SEC63: variants seen among roughly 807,000 people sequenced by gnomAD.
The protein encoded by SEC63 is translocation protein SEC63 homolog.
SEC63 carries 56 observed loss-of-function variants against 116.2 expected under a neutral mutation model. The ratio of observed to expected loss-of-function variants is 0.48; its 90% CI spans 0.39 to 0.60. The LOEUF is 0.60. SEC63 is among the 20% of genes least tolerant of loss of function. The pLI, the probability that SEC63 is intolerant of heterozygous loss-of-function variation, is 0.00. For missense variants in SEC63, 668 were observed against 900.0 expected, an observed-to-expected ratio of 0.74 and a Z score of 3.30; for synonymous variants, 273 against 294.6, an observed-to-expected ratio of 0.93 and a Z score of 0.75.
chr6:107,871,849 T>C lies in SEC63; in HGVS notation c.2140-2A>G. 6.2e-7 allele frequency: 1 copy of C among 1,613,338 alleles called. No individual in the cohort carries two copies. The highest frequency in any genetic ancestry group is 8.5e-7 in the Non-Finnish European group (1 of 1,179,640). The stretch of plus-strand genomic sequence containing the variant: ...AGGCTTAGCCTCATGAACTTCCAAC[T>C]AGAAAGAAGAATTAAATGTAGACAT... On this transcript the variant is annotated splice_acceptor_variant, in intron 20 of 20. Coordinates refer to ENST00000369002, the MANE Select transcript of SEC63 (RefSeq NM_007214.5). LOFTEE classifies it high-confidence loss of function.
chr6:107,916,939 A>G (rs553842501), intron 4 of SEC63, among the ~76,000 whole-genome samples: 14 of 152,358 alleles, frequency 9.2e-5, no homozygotes, highest in African/African-American at 3.4e-4. Flanking sequence ...TGTTGGGAGC[A>G]AGCCCCCACA....
intron 1 of SEC63, among the ~76,000 whole-genome samples, chr6:107,931,551 C>T (rs543421303): frequency 2.7e-5 from 4 of 150,646 alleles, no homozygotes; most frequent in Admixed American, 2.6e-4. Flanking sequence ...AGATAGAGAC[C>T]ATCCTAGCTA....
intron 4 of SEC63, among the ~76,000 whole-genome samples, chr6:107,914,970 C>G (rs1787365623): frequency 1.3e-5 from 2 of 152,158 alleles, no homozygotes; most frequent in East Asian, 3.8e-4. Context: ...CTGACTTCTA[C>G]AACTGCTGTG....
At chr6:107,938,566 CTTTTTTT>C (rs542430538) in intron 1 of SEC63, among the ~76,000 whole-genome samples, 4,842 of 138,280 alleles carry the variant, frequency 0.035, 109 homozygotes, top group Middle Eastern at 0.081. Context: ...CTTCTTTTTT[CTTTTTTT>C]TTTTTTTTAG....
chr6:107,949,561 T>C (rs908673457), intron 1 of SEC63, among the ~76,000 whole-genome samples: 1 of 152,130 alleles, frequency 6.6e-6, no homozygotes, highest in Non-Finnish European at 1.5e-5. Flanking sequence ...AAAAAAATAG[T>C]AATGCAGGAA....
intron 1 of SEC63, among the ~76,000 whole-genome samples, chr6:107,953,300 A>G (rs776161509): frequency 6.6e-6 from 1 of 152,238 alleles, no homozygotes; most frequent in Non-Finnish European, 1.5e-5. Flanking sequence ...TGTTTCCCCA[A>G]AACTGTACTA....
Position 107,896,459 on chromosome 6 carries a change from G to T in SEC63, c.1440+1190C>A, listed in dbSNP as rs139897627. ...CCAGCCTGGGTGACAGAGCTAGCTA[G>T]ACTCCATCTCAAAAAAAAGATGAAG... On this transcript the variant is annotated intron_variant, in intron 14 of 20. Transcript: ENST00000369002. Among the ~76,000 whole-genome samples the T allele has an allele frequency of 7.3e-3, 1,114 of 152,144 alleles. 5 individuals carry two copies. Among genetic ancestry groups the T allele is most frequent in the Non-Finnish European group, 0.013 (916 of 67,982 alleles).
intron 11 of SEC63, among the ~76,000 whole-genome samples, chr6:107,903,573 T>C (rs181005383): frequency 1.3e-5 from 2 of 152,232 alleles, no homozygotes; most frequent in Non-Finnish European, 2.9e-5. Context: ...CGTGCTGTGG[T>C]ATGCACCTGT....
chr6:107,905,112 G>T (rs1008456852), intron 10 of SEC63, among the ~76,000 whole-genome samples: 1 of 152,062 alleles, frequency 6.6e-6, no homozygotes, highest in South Asian at 2.1e-4. Context: ...GAAGAAGAGG[G>T]CAACTTACAG....
At chr6:107,895,418 T>A (rs376231226) in intron 14 of SEC63, among the ~76,000 whole-genome samples, 13 of 152,186 alleles carry the variant, frequency 8.5e-5, no homozygotes, top group Admixed American at 4.6e-4. Flanking sequence ...CTACAAAACA[T>A]GATTTTCAGG....
At chr6:107,926,054 G>C (rs910052047) in intron 2 of SEC63, among the ~76,000 whole-genome samples, 1 of 152,146 alleles carries the variant, frequency 6.6e-6, no homozygotes, top group Non-Finnish European at 1.5e-5. Flanking sequence ...CTGACCTCAA[G>C]TGATCCGCTC....
intron 1 of SEC63, among the ~76,000 whole-genome samples, chr6:107,946,709 G>A (rs928094534): frequency 5.9e-5 from 9 of 152,114 alleles, no homozygotes; most frequent in Admixed American, 5.2e-4. Context: ...TTATCAGATC[G>A]CTAATATTCC....
chr6:107,944,418 C>A (rs1308367303), intron 1 of SEC63, among the ~76,000 whole-genome samples: 2 of 152,164 alleles, frequency 1.3e-5, no homozygotes, highest in Non-Finnish European at 2.9e-5. Context: ...TCAGACTGGG[C>A]TAGGTGCAGC....
chr6:107,928,845 T>C (rs1787734572), intron 2 of SEC63, among the ~76,000 whole-genome samples: 1 of 152,216 alleles, frequency 6.6e-6, no homozygotes, highest in Non-Finnish European at 1.5e-5. Flanking sequence ...CTAAACATGT[T>C]AATGGCCTGT....
chr6:107,924,181 A>G lies in SEC63; in HGVS notation c.339+637T>C, dbSNP rs1238104728. 4.6e-5 allele frequency among the ~76,000 whole-genome samples: 7 copies of G among 150,890 alleles called. No individual in the cohort carries two copies. In the East Asian group the frequency reaches 5.9e-4, roughly 13 times the overall value. ...TGGGAGGCTGAGGCAGGAGAATGGCATGAACCCAGGAGGCAGAGTTTGCAG... is the reference window on the plus strand; with the variant it reads ...TGGGAGGCTGAGGCAGGAGAATGGCGTGAACCCAGGAGGCAGAGTTTGCAG... On this transcript the variant is annotated intron_variant, in intron 3 of 20. Coordinates refer to ENST00000369002, the MANE Select transcript of SEC63 (RefSeq NM_007214.5).
intron 16 of SEC63, among the ~76,000 whole-genome samples, chr6:107,891,038 T>C (rs927788365): frequency 1.3e-5 from 2 of 152,128 alleles, no homozygotes; most frequent in Admixed American, 1.3e-4. Context: ...AATCTGACGG[T>C]TATGTGTCTC....
chr6:107,872,676 A>G (rs1466142655), intron 20 of SEC63, 132 bp downstream of exon 20: 3 of 635,510 alleles, frequency 4.7e-6, no homozygotes, highest in Non-Finnish European at 8.5e-6. Flanking sequence ...TCCATCAAGT[A>G]TATCATATAT....
chr6:107,928,015 G>A (rs754319843), intron 2 of SEC63, among the ~76,000 whole-genome samples: 20 of 152,016 alleles, frequency 1.3e-4, no homozygotes, highest in South Asian at 2.1e-4. Flanking sequence ...GGGGAGGGGC[G>A]GATTGTTTTC....
At chr6:107,955,038 T>G (rs562456246) in intron 1 of SEC63, among the ~76,000 whole-genome samples, 1 of 152,354 alleles carries the variant, frequency 6.6e-6, no homozygotes, top group Admixed American at 6.5e-5. Context: ...ACACCCATAA[T>G]AGTTCACCTA....
Sources: gnomAD v4.1 joint callset for allele counts (sites outside exome capture counted in the v4.1 genomes callset) on GRCh38, gnomAD v4.1.1 for gene constraint, MANE v1.5 for transcripts, NCBI Gene and HGNC (gene_info 2026-07-23, HGNC 2026-07-21) for gene names.